FAT3: variants seen among roughly 807,000 people sequenced by gnomAD.
The protein encoded by FAT3 is protocadherin Fat 3.
FAT3 carries 95 observed loss-of-function variants against 310.2 expected under a neutral mutation model. That is an observed-to-expected ratio of 0.31 (90% CI 0.26 to 0.36). The LOEUF is 0.36. FAT3 is among the 10% of genes least tolerant of loss of function. FAT3 has a pLI of 1.00. For synonymous variants in FAT3, 2,314 were observed against 2,192.9 expected, an observed-to-expected ratio of 1.06 and a Z score of -1.54; for missense variants, 5,408 against 5,715.6, an observed-to-expected ratio of 0.95 and a Z score of 1.74.
intron 3 of FAT3, among the ~76,000 whole-genome samples, chr11:92,627,549 A>G (rs1941383283): frequency 6.6e-6 from 1 of 152,166 alleles, no homozygotes; most frequent in Non-Finnish European, 1.5e-5. Context: ...AGAGGGATAG[A>G]GATGTCCCCT....
At chr11:92,606,543 C>G (rs1433164780) in intron 3 of FAT3, among the ~76,000 whole-genome samples, 1 of 152,210 alleles carries the variant, frequency 6.6e-6, no homozygotes, top group Non-Finnish European at 1.5e-5. Flanking sequence ...AATGTCTTCA[C>G]TTGCTGAAGA....
In FAT3 at chr11:92,594,718, C is replaced by T. The variant is rs145609740; in HGVS notation, c.3607+69770C>T. On this transcript the variant is annotated intron_variant, in intron 3 of 27. Coordinates refer to ENST00000525166, the MANE Select transcript of FAT3 (RefSeq NM_001367949.2). ...TGGTATTTATTAATTATTCGTAACT[C>T]GGAGGCCTTTAGTCAAAAGACTGCC... Among the ~76,000 whole-genome samples, 94 of 152,138 alleles carry T rather than the reference C, an allele frequency of 6.2e-4. 1 individual carries two copies. In the South Asian group the frequency reaches 0.017, roughly 28 times the overall value.
intron 1 of FAT3, among the ~76,000 whole-genome samples, chr11:92,285,579 C>T (rs950268607): frequency 2.0e-5 from 3 of 152,066 alleles, no homozygotes; most frequent in African/African-American, 7.2e-5. Context: ...GGCTATTGAT[C>T]ATCTGTGTGA....
rs184639454 is a variant in FAT3 at position 92,794,288 on chromosome 11, A to G, written c.4822+1311A>G. Among the ~76,000 whole-genome samples the G allele has an allele frequency of 7.2e-5, 11 of 152,326 alleles. No homozygotes were observed. In the East Asian group the frequency reaches 1.2e-3, roughly 16 times the overall value. ...GAATATTTAAATCACATCCCAGAAAATGTCACCTAACCCAACAACTCTTTT... is the reference window on the plus strand; with the variant it reads ...GAATATTTAAATCACATCCCAGAAAGTGTCACCTAACCCAACAACTCTTTT... On this transcript the variant is annotated intron_variant, in intron 9 of 27. Transcript: ENST00000525166.
At chr11:92,781,540 G>C (rs1052491980) in intron 7 of FAT3, among the ~76,000 whole-genome samples, 2 of 152,036 alleles carry the variant, frequency 1.3e-5, no homozygotes, top group African/African-American at 2.4e-5. Context: ...TACGAGTCCA[G>C]GAACATTTCC....
At chr11:92,791,203 A>T (rs1947032275) in intron 8 of FAT3, among the ~76,000 whole-genome samples, 1 of 152,146 alleles carries the variant, frequency 6.6e-6, no homozygotes, top group Non-Finnish European at 1.5e-5. Context: ...ATGGCCCTTC[A>T]TTCATTCATT....
At chr11:92,753,212 A>G (rs974094345) in intron 4 of FAT3, among the ~76,000 whole-genome samples, 2 of 152,122 alleles carry the variant, frequency 1.3e-5, no homozygotes, top group Non-Finnish European at 2.9e-5. Flanking sequence ...CCTTCAGGCC[A>G]GTTGCTCTTA....
intron 3 of FAT3, among the ~76,000 whole-genome samples, chr11:92,657,263 TA>T (rs1942616276): frequency 1.3e-5 from 2 of 152,170 alleles, no homozygotes; most frequent in Non-Finnish European, 1.5e-5. Context: ...TCTCCAGTAG[TA>T]CATCCAGCCA....
At chr11:92,263,642 T>C (rs927644593) in intron 1 of FAT3, among the ~76,000 whole-genome samples, 1 of 144,202 alleles carries the variant, frequency 6.9e-6, no homozygotes, top group Non-Finnish European at 1.5e-5. Flanking sequence ...TGTGTGTATA[T>C]ATATATATAT....
chr11:92,310,152 A>C (rs1005130390), intron 1 of FAT3, among the ~76,000 whole-genome samples: 5 of 152,142 alleles, frequency 3.3e-5, no homozygotes, highest in African/African-American at 7.2e-5. Flanking sequence ...AATCTTTTCA[A>C]TGATTTCTGT....
At chr11:92,758,675 A>G (rs1946065846) in intron 4 of FAT3, among the ~76,000 whole-genome samples, 1 of 152,218 alleles carries the variant, frequency 6.6e-6, no homozygotes, top group African/African-American at 2.4e-5. Flanking sequence ...ATCACTCTAC[A>G]ACAAAGGCAA....
At chr11:92,547,774 G>A (rs1234856089) in intron 3 of FAT3, among the ~76,000 whole-genome samples, 1 of 152,154 alleles carries the variant, frequency 6.6e-6, no homozygotes, top group Non-Finnish European at 1.5e-5. Context: ...TAGAGATAAT[G>A]GATCATGTGA....
chr11:92,606,255 A>G (rs1940291355), intron 3 of FAT3, among the ~76,000 whole-genome samples: 1 of 152,134 alleles, frequency 6.6e-6, no homozygotes, highest in African/African-American at 2.4e-5. Context: ...ATGGGGTTTT[A>G]CTTCTAAAGA....
intron 1 of FAT3, among the ~76,000 whole-genome samples, chr11:92,297,345 T>C (rs936475953): frequency 2.0e-5 from 3 of 152,152 alleles, no homozygotes; most frequent in African/African-American, 7.2e-5. Context: ...TAGTTAGTTT[T>C]ATATCACCCC....
At chr11:92,535,362 C>T (rs1466275775) in intron 3 of FAT3, among the ~76,000 whole-genome samples, 1 of 152,160 alleles carries the variant, frequency 6.6e-6, no homozygotes, top group Non-Finnish European at 1.5e-5. Context: ...TGCCAACAAC[C>T]TGATTGTGAA....
intron 1 of FAT3, among the ~76,000 whole-genome samples, chr11:92,235,791 G>C (rs1474317955): frequency 6.6e-6 from 1 of 152,172 alleles, no homozygotes; most frequent in Non-Finnish European, 1.5e-5. Context: ...TCAAGCTCTG[G>C]ATCTTTCCTG....
intron 1 of FAT3, among the ~76,000 whole-genome samples, chr11:92,237,619 T>C (rs1864485743): frequency 6.6e-6 from 1 of 152,076 alleles, no homozygotes; most frequent in Non-Finnish European, 1.5e-5. Context: ...ACGAGAAGGC[T>C]TTATAGCCTT....
chr11:92,844,890 G>C (rs894664401), intron 19 of FAT3, among the ~76,000 whole-genome samples, 158 bp downstream of exon 19: 1 of 152,364 alleles, frequency 6.6e-6, no homozygotes, highest in African/African-American at 2.4e-5. Context: ...GGGGCTGCAG[G>C]AGGTACAGTC....
At chr11:92,533,867 A>T (rs966500779) in intron 3 of FAT3, among the ~76,000 whole-genome samples, 1 of 152,048 alleles carries the variant, frequency 6.6e-6, no homozygotes, top group Non-Finnish European at 1.5e-5. Flanking sequence ...TGCTGTTGGA[A>T]ATTACTGAGA....
Sources: allele counts gnomAD v4.1 joint callset (sites outside exome capture counted in the v4.1 genomes callset), GRCh38; gene constraint gnomAD v4.1.1; transcripts MANE v1.5; gene names NCBI Gene and HGNC (gene_info 2026-07-23, HGNC 2026-07-21).